The following PGAP1 variants were observed in gnomAD, a reference collection of about 807,000 sequenced individuals.
PGAP1 encodes the protein post-GPI attachment to proteins inositol deacylase 1.
Under a neutral mutation model 127.0 loss-of-function variants are expected in PGAP1, and 76 were observed. That is an observed-to-expected ratio of 0.60 (90% CI 0.50 to 0.72). The LOEUF (loss-of-function observed/expected upper bound fraction) is 0.72. Ranked by LOEUF, PGAP1 falls within the 30% of genes least tolerant of loss-of-function variation. The probability of loss-of-function intolerance (pLI) is 0.00; values close to 1 mark genes in which losing one functional copy is unlikely to be tolerated. For synonymous variants in PGAP1, 362 were observed against 366.5 expected (o/e 0.99, Z 0.14); for missense variants, 982 against 1,071.3 (o/e 0.92, Z 1.16).
At chr2:196,871,843 C>A (rs1701419922) in intron 18 of PGAP1, among the ~76,000 whole-genome samples, 1 of 152,048 alleles carries the variant, frequency 6.6e-6, no homozygotes, top group African/African-American at 2.4e-5. Context: ...GTTGTCATAA[C>A]CACTGAAATG....
chr2:196,902,541 G>T (rs967319771), intron 5 of PGAP1, 44 bp downstream of exon 5: 1 of 1,498,568 alleles, frequency 6.7e-7, no homozygotes, highest in African/African-American at 1.4e-5. Flanking sequence ...GCTCCACTGG[G>T]TCTATTACAT....
chr2:196,921,988 C>T (rs949142316), intron 1 of PGAP1: 7 of 269,818 alleles, frequency 2.6e-5, no homozygotes, highest in East Asian at 1.5e-4. Context: ...AAACAGAAGA[C>T]GGTCAAGGGA....
intron 14 of PGAP1, 25 bp downstream of exon 14, chr2:196,875,721 T>C (rs529318368): frequency 6.1e-6 from 8 of 1,318,946 alleles, no homozygotes; most frequent in South Asian, 3.7e-5. Context: ...GCAATTCTTA[T>C]GCTTTCCAAA....
At position 196,833,926 on chromosome 2, in the gene PGAP1, T is replaced by C. The variant is rs1313438595; in HGVS notation, c.*7308A>G. Reference sequence around the variant, plus strand: ...TTTCTCTTGAAGCCTTAAAAATATATAGGAAGAAAAAAGAGAAGGAAAAAT... The same window carrying C: ...TTTCTCTTGAAGCCTTAAAAATATACAGGAAGAAAAAAGAGAAGGAAAAAT... On this transcript the variant is annotated 3_prime_UTR_variant, in exon 27 of 27. Transcript: ENST00000354764. The C allele has an allele frequency of 1.3e-5, 2 of 151,664 alleles. No individual in the cohort carries two copies. Among genetic ancestry groups the C allele is most frequent in the African/African-American group, 2.4e-5 (1 of 41,316 alleles). The allele number at this position is 151,664 out of a possible 1,614,324, so 9.4% of individuals were successfully genotyped here.
chr2:196,850,554 G>C (rs978600811), intron 20 of PGAP1, among the ~76,000 whole-genome samples: 3 of 152,130 alleles, frequency 2.0e-5, no homozygotes, highest in Non-Finnish European at 4.4e-5. Context: ...TGCAAATTTG[G>C]GAGAGAGGGA....
At chr2:196,902,275 C>T (rs1326557306) in intron 5 of PGAP1, among the ~76,000 whole-genome samples, 1 of 152,150 alleles carries the variant, frequency 6.6e-6, no homozygotes, top group African/African-American at 2.4e-5. Flanking sequence ...TGGCCTCAAG[C>T]AGTCCTCCTG....
intron 13 of PGAP1, 81 bp downstream of exon 13, chr2:196,879,995 G>T: frequency 3.0e-6 from 3 of 1,007,346 alleles, no homozygotes; most frequent in Non-Finnish European, 4.6e-6. Flanking sequence ...AAACTGTGCA[G>T]AAAAACTCAT....
At chr2:196,919,905 AT>A in intron 2 of PGAP1, 91 bp downstream of exon 2, 1 of 1,310,224 alleles carries the variant, frequency 7.6e-7, no homozygotes, top group Non-Finnish European at 1.1e-6. Flanking sequence ...CATGCATTTC[AT>A]TTACTTTATT....
At chr2:196,880,280 G>A in intron 12 of PGAP1, 127 bp from the exon 13 acceptor site, 1 of 561,962 alleles carries the variant, frequency 1.8e-6, no homozygotes, top group Non-Finnish European at 3.0e-6. Context: ...TTTATGTTCA[G>A]TACTTCATAA....
intron 19 of PGAP1, among the ~76,000 whole-genome samples, chr2:196,869,574 T>A (rs938873331): frequency 3.3e-5 from 5 of 152,200 alleles, no homozygotes; most frequent in African/African-American, 1.2e-4. Flanking sequence ...GACCTCGTGA[T>A]CCATCCACCT....
At position 196,841,189 on chromosome 2, in the gene PGAP1, G is replaced by A. The variant is rs1329829832; in HGVS notation, c.*45C>T. 1.3e-6 allele frequency: 2 copies of A among 1,565,760 alleles called. No homozygotes were observed. The highest frequency in any genetic ancestry group is 1.4e-5 in the African/African-American group (1 of 73,216). On this transcript the variant is annotated 3_prime_UTR_variant, in exon 27 of 27. Coordinates refer to ENST00000354764, the MANE Select transcript of PGAP1 (RefSeq NM_024989.4). ...GATCTGTGTGTTCCCTCTTATCACT[G>A]GCCCTAAACACATAAATTATCTTCA... is the stretch of plus-strand genomic sequence containing the variant.
intron 2 of PGAP1, among the ~76,000 whole-genome samples, chr2:196,916,922 A>G (rs907911681): frequency 6.6e-6 from 1 of 152,204 alleles, no homozygotes; most frequent in South Asian, 2.1e-4. Context: ...AAATTTTGCC[A>G]CACTTATTGA....
intron 26 of PGAP1, among the ~76,000 whole-genome samples, chr2:196,841,578 C>T (rs376251560): frequency 7.4e-4 from 113 of 152,208 alleles, no homozygotes; most frequent in Non-Finnish European, 1.1e-3. Context: ...AGTGCAGTGG[C>T]GCAATCTCGG....
At position 196,857,157 on chromosome 2, in the gene PGAP1, G is replaced by A. The variant is rs189677696; in HGVS notation, c.1861+7830C>T. Among the ~76,000 whole-genome samples, 8 of 152,256 alleles carry A rather than the reference G, an allele frequency of 5.3e-5. No homozygotes were observed. In the East Asian group the frequency reaches 7.7e-4, roughly 15 times the overall value. On this transcript the variant is annotated intron_variant, in intron 20 of 26. Transcript: ENST00000354764. ...TATACCTAGAAAACCCCATAGTCTC[G>A]GCTCAAAAGCTCCTTCAGTTGATAA...
At chr2:196,923,818 T>C (rs1703288131) in intron 1 of PGAP1, among the ~76,000 whole-genome samples, 2 of 152,082 alleles carry the variant, frequency 1.3e-5, no homozygotes, top group African/African-American at 4.8e-5. Flanking sequence ...ACGCCAACAT[T>C]TCCTTTCAGA....
Position 196,873,040 on chromosome 2 carries a change from T to TA in PGAP1, c.1553-15dup. The TA allele has an allele frequency of 1.3e-6, 1 of 741,680 alleles. No individual in the cohort carries two copies. 45.9% of individuals were successfully genotyped at this position (741,680 alleles called of 1,614,324 possible). A position where few individuals can be genotyped will look rare whatever the true frequency, so the allele number is the denominator to read the frequency against. On this transcript the variant is annotated splice_polypyrimidine_tract_variant and intron_variant, in intron 16 of 26. Coordinates refer to ENST00000354764, the MANE Select transcript of PGAP1 (RefSeq NM_024989.4). ...TGGTTATTTCTTCTGTTAAAACATT[T>TA]AAAAAATGTATTATTAACAACATGT...
At chr2:196,915,408 C>G (rs567811240) in intron 3 of PGAP1, among the ~76,000 whole-genome samples, 38 of 152,222 alleles carry the variant, frequency 2.5e-4, no homozygotes, top group Non-Finnish European at 5.0e-4. Context: ...TCCACCTGTA[C>G]AGTAGCATAC....
chr2:196,861,976 C>A (rs1701083581), intron 20 of PGAP1, among the ~76,000 whole-genome samples: 1 of 151,052 alleles, frequency 6.6e-6, no homozygotes, highest in Non-Finnish European at 1.5e-5. Context: ...ATTAACTGCA[C>A]AAATTGTACA....
In PGAP1 at chr2:196,912,975, G is replaced by A. The variant is rs370198742; in HGVS notation, c.556C>T (p.Leu186=). The change falls in exon 4 of 27, where the codon CTG becomes TTG. Residue 186 remains leucine (L), a synonymous_variant. Coordinates refer to ENST00000354764, the MANE Select transcript of PGAP1 (RefSeq NM_024989.4). The part of the protein sequence containing the change: ...GGLVARALLT[L]KNFKHDLINL... ...ATCAGATCATGCTTAAAATTTTTCA[G>A]TGTAAGCAATGCTCTTGCAACAAGG... is the stretch of plus-strand genomic sequence containing the variant. The A allele has an allele frequency of 6.2e-6, 10 of 1,613,690 alleles. No individual in the cohort carries two copies. The highest frequency in any genetic ancestry group is 8.5e-6 in the Non-Finnish European group (10 of 1,179,850).
Sources: gnomAD v4.1 joint callset for allele counts (sites outside exome capture counted in the v4.1 genomes callset) on GRCh38, gnomAD v4.1.1 for gene constraint, MANE v1.5 for transcripts, NCBI Gene and HGNC (gene_info 2026-07-23, HGNC 2026-07-21) for gene names.